The following ABCD3 variants were observed in gnomAD, a reference collection of about 807,000 sequenced individuals.
ABCD3 encodes ATP binding cassette subfamily D member 3.
In ABCD3, 41 loss-of-function variants were observed where a neutral mutation model predicts 105.5. The ratio of observed to expected loss-of-function variants is 0.39; its 90% CI spans 0.30 to 0.50. The LOEUF is 0.50. Ranked by LOEUF, ABCD3 falls within the 20% of genes least tolerant of loss-of-function variation. The pLI, the probability that ABCD3 is intolerant of heterozygous loss-of-function variation, is 0.84. For synonymous variants in ABCD3, 258 were observed against 269.0 expected (o/e 0.96, Z 0.40); for missense variants, 622 against 806.3 (o/e 0.77, Z 2.77).
intron 1 of ABCD3, among the ~76,000 whole-genome samples, chr1:94,435,303 G>T (rs192341091): frequency 6.6e-6 from 1 of 152,112 alleles, no homozygotes; most frequent in Non-Finnish European, 1.5e-5. Context: ...ACTTTGGGAG[G>T]CCCAGGCAGG....
At chr1:94,461,598 C>G (rs568942917) in intron 2 of ABCD3, among the ~76,000 whole-genome samples, 1 of 152,096 alleles carries the variant, frequency 6.6e-6, no homozygotes, top group South Asian at 2.1e-4. Flanking sequence ...TAGGTCACTT[C>G]ATGTTTAAAG....
intron 1 of ABCD3, among the ~76,000 whole-genome samples, chr1:94,447,621 T>G (rs1660405296): frequency 6.6e-6 from 1 of 152,192 alleles, no homozygotes; most frequent in Admixed American, 6.5e-5. Context: ...ATTTTCACAG[T>G]GTTACATTAT....
chr1:94,499,521 C>T lies in ABCD3; in HGVS notation c.1647C>T (p.Val549=), dbSNP rs750131072. ...TACTGAAGGAATACTTAGACAATGTCCAGTTGGGTCATATCCTTGAACGTG... is the reference window on the plus strand; with the variant it reads ...TACTGAAGGAATACTTAGACAATGTTCAGTTGGGTCATATCCTTGAACGTG... ...DLVLKEYLDN[V]QLGHILEREG... Residue 549 remains valine, a synonymous_variant, in exon 20 of 23, where the codon GTC becomes GTT. Coordinates refer to ENST00000370214, the MANE Select transcript of ABCD3 (RefSeq NM_002858.4). 1 of 1,613,386 alleles carries T rather than the reference C, an allele frequency of 6.2e-7. No homozygotes were observed. Among genetic ancestry groups the T allele is most frequent in the Non-Finnish European group, 8.5e-7 (1 of 1,179,634 alleles).
intron 15 of ABCD3, 104 bp downstream of exon 15, chr1:94,490,079 C>T: frequency 8.8e-7 from 1 of 1,142,824 alleles, no homozygotes; most frequent in South Asian, 1.3e-5. Flanking sequence ...ATTATTTCTG[C>T]TTTTTTAAAA....
At chr1:94,412,279 T>C in the ABCD3 span, among the ~76,000 whole-genome samples, 1 of 152,174 alleles carries the variant, frequency 6.6e-6, no homozygotes, top group Non-Finnish European at 1.5e-5. Flanking sequence ...TTACCCTTCT[T>C]GCAGTCAAGT....
chr1:94,394,158 C>A, the ABCD3 span, among the ~76,000 whole-genome samples: 1 of 152,164 alleles, frequency 6.6e-6, no homozygotes, highest in Non-Finnish European at 1.5e-5. Flanking sequence ...TTCTTCTATT[C>A]TTTAGCATAC....
chr1:94,475,704 C>T lies in ABCD3; in HGVS notation c.594C>T (p.Asn198=). ...LLTQDVEKFC[N]SVVDLYSNLS... is the part of the protein sequence containing the mutation. ...CACAAGATGTAGAAAAATTTTGTAA[C>T]AGTGTAGTCGATCTGTATTCAAATC... The change falls in exon 7 of 23, where the codon AAC becomes AAT. Residue 198 remains asparagine, a synonymous_variant. Coordinates refer to ENST00000370214, the MANE Select transcript of ABCD3 (RefSeq NM_002858.4). 1 of 1,606,404 alleles carries T rather than the reference C, an allele frequency of 6.2e-7. No individual in the cohort carries two copies.
At chr1:94,416,189 A>G (rs1382637458), upstream of ABCD3, among the ~76,000 whole-genome samples, 1 of 152,152 alleles carries the variant, frequency 6.6e-6, no homozygotes, top group Non-Finnish European at 1.5e-5. Flanking sequence ...ACTTTCTCAC[A>G]AGGTTCCCAA....
chr1:94,499,038 A>G lies in ABCD3; in HGVS notation c.1620+4A>G, dbSNP rs1181346162. On this transcript the variant is annotated splice_donor_region_variant and intron_variant, in intron 19 of 22. Coordinates refer to ENST00000370214, the MANE Select transcript of ABCD3 (RefSeq NM_002858.4). ...AAGGAAGGGAATTTCTGACCTAGTA[A>G]GGGAATGTTTATATCCTAGATCCAC... 6.2e-7 allele frequency: 1 copy of G among 1,607,942 alleles called. No homozygotes were observed. The highest frequency in any genetic ancestry group is 8.5e-7 in the Non-Finnish European group (1 of 1,174,490).
intron 21 of ABCD3, chr1:94,514,918 G>T: frequency 2.0e-6 from 1 of 501,524 alleles, no homozygotes; most frequent in Non-Finnish European, 3.6e-6. Flanking sequence ...TTGCCCAAAA[G>T]AAAATAATAC....
chr1:94,449,726 A>C (rs1660501105), intron 1 of ABCD3, among the ~76,000 whole-genome samples: 1 of 151,618 alleles, frequency 6.6e-6, no homozygotes, highest in African/African-American at 2.4e-5. Flanking sequence ...TGGTCCCCTA[A>C]GGGGATGTTT....
At chr1:94,404,938 GAA>G in the ABCD3 span, among the ~76,000 whole-genome samples, 1 of 86,688 alleles carries the variant, frequency 1.2e-5, no homozygotes, top group Non-Finnish European at 2.3e-5. Flanking sequence ...GACCCATCTC[GAA>G]AAAAAAAAAA....
intron 1 of ABCD3, among the ~76,000 whole-genome samples, chr1:94,456,881 T>G (rs185885750): frequency 6.6e-6 from 1 of 152,212 alleles, no homozygotes; most frequent in Non-Finnish European, 1.5e-5. Flanking sequence ...AATGTTCAAG[T>G]GTTCTCTTTT....
chr1:94,401,294 G>A, the ABCD3 span, among the ~76,000 whole-genome samples: 1 of 152,234 alleles, frequency 6.6e-6, no homozygotes, highest in African/African-American at 2.4e-5. Context: ...ATAGTCGTAG[G>A]CCTGGTGCCC....
At chr1:94,431,818 T>G (rs1427431764) in intron 1 of ABCD3, among the ~76,000 whole-genome samples, 1 of 152,186 alleles carries the variant, frequency 6.6e-6, no homozygotes, top group African/African-American at 2.4e-5. Context: ...AGTTCTTTAT[T>G]TACCTGTGAA....
Position 94,472,871 on chromosome 1 carries a change from A to T in ABCD3, c.336-895A>T, listed in dbSNP as rs981857501. 2.0e-5 allele frequency among the ~76,000 whole-genome samples: 3 copies of T among 152,212 alleles called. No homozygotes were observed. In the East Asian group the frequency reaches 5.8e-4, roughly 29 times the overall value. Reference sequence around the variant, plus strand: ...ACATTATTAAGTATTACTTGAAGTAAGAGTTCTGTGATCAAATACATACTA... The same window carrying T: ...ACATTATTAAGTATTACTTGAAGTATGAGTTCTGTGATCAAATACATACTA... On this transcript the variant is annotated intron_variant, in intron 4 of 22. Coordinates refer to ENST00000370214, the MANE Select transcript of ABCD3 (RefSeq NM_002858.4).
chr1:94,494,930 A>C (rs1649723818), intron 16 of ABCD3, among the ~76,000 whole-genome samples: 1 of 151,990 alleles, frequency 6.6e-6, no homozygotes, highest in African/African-American at 2.4e-5. Context: ...AATACAAAAA[A>C]ATTAGCTAGG....
chr1:94,456,493 G>T (rs1473151058), intron 1 of ABCD3, among the ~76,000 whole-genome samples: 1 of 151,102 alleles, frequency 6.6e-6, no homozygotes, highest in East Asian at 1.9e-4. Context: ...GCCCAGGCTG[G>T]TCTTGAACTC....
At chr1:94,452,381 T>G (rs1256967348) in intron 1 of ABCD3, among the ~76,000 whole-genome samples, 2 of 152,210 alleles carry the variant, frequency 1.3e-5, no homozygotes, top group African/African-American at 4.8e-5. Flanking sequence ...GTTGCCATTT[T>G]ATAAGTGAGA....
Sources: gnomAD v4.1 joint callset for allele counts (sites outside exome capture counted in the v4.1 genomes callset) on GRCh38, gnomAD v4.1.1 for gene constraint, MANE v1.5 for transcripts, NCBI Gene and HGNC (gene_info 2026-07-23, HGNC 2026-07-21) for gene names.